Variants in STIM2 observed in about 807,000 individuals in gnomAD.
STIM2 encodes stromal interaction molecule 2.
In STIM2, 31 loss-of-function variants were observed where a neutral mutation model predicts 85.8. The ratio of observed to expected loss-of-function variants is 0.36; its 90% CI spans 0.27 to 0.49. The LOEUF is 0.49. STIM2 is among the 20% of genes least tolerant of loss of function. STIM2 has a pLI of 0.98. For synonymous variants in STIM2, 356 were observed against 331.1 expected (o/e 1.08, Z -0.82); for missense variants, 841 against 927.6 (o/e 0.91, Z 1.21).
chr4:26,892,709 A>G (rs947210480), intron 1 of STIM2, among the ~76,000 whole-genome samples: 5 of 152,114 alleles, frequency 3.3e-5, no homozygotes, highest in African/African-American at 1.2e-4. Flanking sequence ...TGTGGAAGGG[A>G]AAGTTGATCA....
At chr4:26,964,910 A>G (rs1726653680) in intron 3 of STIM2, among the ~76,000 whole-genome samples, 1 of 152,194 alleles carries the variant, frequency 6.6e-6, no homozygotes, top group South Asian at 2.1e-4. Flanking sequence ...TGCATTAAGG[A>G]ACATTTACTT....
chr4:26,872,103 G>A (rs1227533040), intron 1 of STIM2, among the ~76,000 whole-genome samples: 2 of 152,172 alleles, frequency 1.3e-5, no homozygotes, highest in Non-Finnish European at 2.9e-5. Context: ...TATAGATACA[G>A]AGGTAGGATA....
chr4:27,012,123 A>G (rs916717166), intron 10 of STIM2, among the ~76,000 whole-genome samples: 1 of 152,088 alleles, frequency 6.6e-6, no homozygotes, highest in Non-Finnish European at 1.5e-5. Flanking sequence ...CTCCATAGAT[A>G]CATAAGTGCT....
rs370282186 is a variant in STIM2 at position 26,992,598 on chromosome 4, C to A, written c.398-2781C>A. On this transcript the variant is annotated intron_variant, in intron 3 of 11. Transcript: ENST00000467087. Reference sequence around the variant, plus strand: ...TTCACTTGAAGAATTAAAGTTTTAGCTGAGATATGAAGGTTTAATGAAACA... The same window carrying A: ...TTCACTTGAAGAATTAAAGTTTTAGATGAGATATGAAGGTTTAATGAAACA... Among the ~76,000 whole-genome samples the A allele has an allele frequency of 1.1e-3, 161 of 152,036 alleles. 1 individual carries two copies. Among genetic ancestry groups the A allele is most frequent in the African/African-American group, 3.7e-3 (155 of 41,476 alleles).
intron 4 of STIM2, among the ~76,000 whole-genome samples, chr4:26,995,966 A>G (rs750208451): frequency 1.6e-4 from 25 of 152,114 alleles, no homozygotes; most frequent in Non-Finnish European, 3.4e-4. Flanking sequence ...TTTAAAATGT[A>G]TGCTACATAG....
chr4:26,935,924 A>C (rs561616644), intron 2 of STIM2, among the ~76,000 whole-genome samples: 3 of 152,186 alleles, frequency 2.0e-5, no homozygotes, highest in Non-Finnish European at 4.4e-5. Context: ...CTTGCAAGAT[A>C]CCTTGTTTTC....
At position 26,873,911 on chromosome 4, in the gene STIM2, A is replaced by T. The variant is rs866433983; in HGVS notation, c.151+12542A>T. On this transcript the variant is annotated intron_variant, in intron 1 of 11. Coordinates refer to ENST00000467087, the MANE Select transcript of STIM2 (RefSeq NM_020860.4). ...CTCCCAGGGGTCTGCGGCTGAGTGG[A>T]CAGGGGCGCCTCCAGACAGCTGGGT... is the stretch of plus-strand genomic sequence containing the variant. 5.1e-6 allele frequency: 7 copies of T among 1,376,776 alleles called. No homozygotes were observed. In the South Asian group the frequency reaches 8.5e-5, roughly 17 times the overall value. 85.3% of individuals were successfully genotyped at this position (1,376,776 alleles called of 1,614,324 possible).
At position 27,023,470 on chromosome 4, in the gene STIM2, GAA is replaced by G. The variant is rs35840384; in HGVS notation, c.*485_*486del. The G allele has an allele frequency of 9.1e-4, 139 of 153,082 alleles. No homozygotes were observed. The highest frequency in any genetic ancestry group is 1.5e-3 in the Non-Finnish European group (105 of 69,106). The allele number at this position is 153,082 out of a possible 1,614,324, so 9.5% of individuals were successfully genotyped here. A position where few individuals can be genotyped will look rare whatever the true frequency, so the allele number is the denominator to read the frequency against. ...AATTGCACTACTGTTTTCCAGACTGGAAAAAAAAAAAATCTCTGCAAGTGAAA... is the reference window on the plus strand; with the variant it reads ...AATTGCACTACTGTTTTCCAGACTGGAAAAAAAAAATCTCTGCAAGTGAAA... On this transcript the variant is annotated 3_prime_UTR_variant, in exon 12 of 12. Transcript: ENST00000467087.
intron 2 of STIM2, among the ~76,000 whole-genome samples, chr4:26,929,245 C>T (rs1251811635): frequency 6.6e-6 from 1 of 152,036 alleles, no homozygotes; most frequent in Non-Finnish European, 1.5e-5. Context: ...GTATGTAGCT[C>T]ACATTTTATT....
chr4:26,930,219 C>A lies in STIM2; in HGVS notation c.282+10585C>A, dbSNP rs959691536. ...ATTTTGGAAAGTGTAGGTATTTGGT[C>A]AACAAATAATTTAAATAAGAGAAAT... On this transcript the variant is annotated intron_variant, in intron 2 of 11. Transcript: ENST00000467087. Among the ~76,000 whole-genome samples the A allele has an allele frequency of 2.0e-5, 3 of 152,112 alleles. No homozygotes were observed. In the East Asian group the frequency reaches 5.8e-4, roughly 29 times the overall value.
At chr4:26,980,987 C>T (rs1179241349) in intron 3 of STIM2, among the ~76,000 whole-genome samples, 1 of 152,054 alleles carries the variant, frequency 6.6e-6, no homozygotes, top group African/African-American at 2.4e-5. Context: ...AATGAATATC[C>T]AGCAACAAGT....
At chr4:27,001,093 C>T (rs1227054936) in intron 5 of STIM2, among the ~76,000 whole-genome samples, 1 of 152,224 alleles carries the variant, frequency 6.6e-6, no homozygotes, top group African/African-American at 2.4e-5. Context: ...TATCACACTA[C>T]ACAAACATAG....
At chr4:26,865,734 A>G (rs1449565866) in intron 1 of STIM2, among the ~76,000 whole-genome samples, 1 of 152,120 alleles carries the variant, frequency 6.6e-6, no homozygotes, top group Admixed American at 6.6e-5. Context: ...GTTAAGATCT[A>G]CCTAGGAATT....
chr4:26,903,539 G>A (rs1298419503), intron 1 of STIM2, among the ~76,000 whole-genome samples: 1 of 152,048 alleles, frequency 6.6e-6, no homozygotes, highest in Non-Finnish European at 1.5e-5. Context: ...CCTGATACTG[G>A]TAAATGTTAA....
rs1281056805 is a variant in STIM2, at chr4:27,021,317, A to G, written c.1764-1202A>G. The G allele has an allele frequency of 1.6e-5, 7 of 425,716 alleles. No individual in the cohort carries two copies. The East Asian group carries it at 3.4e-4, about 21-fold the overall frequency. 26.4% of individuals were successfully genotyped at this position (425,716 alleles called of 1,614,324 possible). A position where few individuals can be genotyped will look rare whatever the true frequency, so the allele number is the denominator to read the frequency against. On this transcript the variant is annotated intron_variant, in intron 11 of 11. Coordinates refer to ENST00000467087, the MANE Select transcript of STIM2 (RefSeq NM_020860.4). Reference sequence around the variant, plus strand: ...AGGTTTTGGTAAGTTTTGGGGTTGCAAACAAAGACAGGTAAAAGGAAAGAG... The same window carrying G: ...AGGTTTTGGTAAGTTTTGGGGTTGCGAACAAAGACAGGTAAAAGGAAAGAG...
intron 3 of STIM2, among the ~76,000 whole-genome samples, chr4:26,974,593 C>T (rs1283220045): frequency 6.6e-6 from 1 of 152,176 alleles, no homozygotes; most frequent in Non-Finnish European, 1.5e-5. Context: ...TGTAGGGTTT[C>T]TGCCAAGAGA....
chr4:26,915,746 G>A (rs1724553639), intron 1 of STIM2, among the ~76,000 whole-genome samples: 1 of 152,200 alleles, frequency 6.6e-6, no homozygotes, highest in Admixed American at 6.5e-5. Flanking sequence ...AGAAAAGAAT[G>A]CTTAGCATAT....
chr4:26,880,232 G>A (rs6815719), intron 1 of STIM2, among the ~76,000 whole-genome samples: 45,455 of 151,926 alleles, frequency 0.3, 7,257 homozygotes, highest in African/African-American at 0.42. Context: ...GGGCCCTGGC[G>A]CTTGAGGTTT....
intron 1 of STIM2, among the ~76,000 whole-genome samples, chr4:26,894,521 C>T (rs1459470090): frequency 2.6e-5 from 4 of 151,078 alleles, no homozygotes; most frequent in African/African-American, 9.7e-5. Context: ...TGTGGATGTT[C>T]AGCCAATTGC....
Sources: allele counts gnomAD v4.1 joint callset (sites outside exome capture counted in the v4.1 genomes callset), GRCh38; gene constraint gnomAD v4.1.1; transcripts MANE v1.5; gene names NCBI Gene and HGNC (gene_info 2026-07-23, HGNC 2026-07-21).